CFAP46: variants seen among roughly 807,000 people sequenced by gnomAD.
CFAP46 encodes cilia and flagella associated protein 46.
CFAP46 carries 245 observed loss-of-function variants against 325.7 expected under a neutral mutation model. The observed-to-expected ratio is 0.75, with a 90% CI of 0.68 to 0.84. The LOEUF (loss-of-function observed/expected upper bound fraction) is 0.84. CFAP46 is among the 40% of genes least tolerant of loss of function. The pLI, the probability that CFAP46 is intolerant of heterozygous loss-of-function variation, is 0.00. For missense variants in CFAP46, 3,346 were observed against 3,543.0 expected, an observed-to-expected ratio of 0.94 and a Z score of 1.41; for synonymous variants, 1,523 against 1,495.9, an observed-to-expected ratio of 1.02 and a Z score of -0.42.
At chr10:132,917,298 C>T (rs1849655301) in intron 16 of CFAP46, among the ~76,000 whole-genome samples, 1 of 152,252 alleles carries the variant, frequency 6.6e-6, no homozygotes, top group Non-Finnish European at 1.5e-5. Flanking sequence ...AGAAACCTAA[C>T]CGAGAGTGGC....
At chr10:132,845,671 C>T (rs531790243) in intron 44 of CFAP46, among the ~76,000 whole-genome samples, 61 of 152,360 alleles carry the variant, frequency 4.0e-4, no homozygotes, top group African/African-American at 1.4e-3. Flanking sequence ...CAAGGTTGAA[C>T]CCTTAGACCT....
At chr10:132,910,205 C>T (rs935101822) in intron 19 of CFAP46, 137 bp from the exon 20 acceptor site, 4 of 789,994 alleles carry the variant, frequency 5.1e-6, no homozygotes, top group Non-Finnish European at 3.5e-6. Flanking sequence ...AGACCTCAGG[C>T]CCACCAGCGG....
chr10:132,882,794 C>G (rs1420539869), intron 27 of CFAP46, among the ~76,000 whole-genome samples: 3 of 151,914 alleles, frequency 2.0e-5, no homozygotes, highest in African/African-American at 7.3e-5. Context: ...GTGAAGGATG[C>G]CCATGGATGG....
intron 56 of CFAP46, chr10:132,810,691 A>C: frequency 1.4e-6 from 1 of 731,014 alleles, no homozygotes; most frequent in Non-Finnish European, 2.5e-6. Context: ...TGGCCGCCTC[A>C]ACGGGCTCCT....
intron 17 of CFAP46, among the ~76,000 whole-genome samples, chr10:132,915,530 C>T (rs1258263182): frequency 6.6e-6 from 1 of 152,258 alleles, no homozygotes; most frequent in Non-Finnish European, 1.5e-5. Context: ...TTTCCTTCTG[C>T]CCCAAGGGAC....
chr10:132,862,552 C>T (rs530436175), intron 35 of CFAP46, among the ~76,000 whole-genome samples: 14 of 152,014 alleles, frequency 9.2e-5, no homozygotes, highest in African/African-American at 2.9e-4. Context: ...ATAGTCACAA[C>T]CCCCAAGGCA....
chr10:132,821,554 G>T, intron 50 of CFAP46, among the ~76,000 whole-genome samples: 1 of 139,856 alleles, frequency 7.2e-6, no homozygotes, highest in African/African-American at 2.8e-5. Flanking sequence ...GCTGTGTGCT[G>T]ACGTGTGCTG....
At chr10:132,835,214 G>T (rs115229257) in intron 47 of CFAP46, 90 bp downstream of exon 47, 396 of 1,536,838 alleles carry the variant, frequency 2.6e-4, no homozygotes, top group Middle Eastern at 1.4e-3. Context: ...CTAGCGCCCC[G>T]CCCCTCCCCC....
At position 132,912,722 on chromosome 10, in the gene CFAP46, A is replaced by G. The variant is rs1433897118; in HGVS notation, c.2432T>C (p.Met811Thr). ...TGGGCTGTGAAACGCGTTTGGTCGC[A>G]TGAATTTCCTGGACTTCTCGGCAGC... ...VQAAEKSRKF[M>T]RPNAFHSPLD... Residue 811 changes from methionine (M) to threonine (T), a missense_variant, in exon 19 of 58, where the codon ATG (methionine) becomes ACG (threonine). By Grantham distance (81) the Met-to-Thr change is moderately conservative. Coordinates refer to ENST00000368586, the MANE Select transcript of CFAP46 (RefSeq NM_001200049.3). 5.2e-6 allele frequency: 8 copies of G among 1,550,106 alleles called. No individual in the cohort carries two copies. Among genetic ancestry groups the G allele is most frequent in the South Asian group, 3.6e-5 (3 of 84,064 alleles).
chr10:132,814,267 C>T lies in CFAP46; in HGVS notation c.7286-13G>A. ...GGAGTTAGCATTTCTGCAAGGAGAACAGGGTGGATACAGACCACGGTGTTT... is the reference window on the plus strand; with the variant it reads ...GGAGTTAGCATTTCTGCAAGGAGAATAGGGTGGATACAGACCACGGTGTTT... On this transcript the variant is annotated splice_polypyrimidine_tract_variant and intron_variant, in intron 53 of 57. Coordinates refer to ENST00000368586, the MANE Select transcript of CFAP46 (RefSeq NM_001200049.3). 1 of 1,600,652 alleles carries T rather than the reference C, an allele frequency of 6.2e-7. No individual in the cohort carries two copies. Among genetic ancestry groups the T allele is most frequent in the South Asian group, 1.1e-5 (1 of 90,596 alleles).
chr10:132,912,677 G>A lies in CFAP46; in HGVS notation c.2477C>T (p.Ser826Phe). 1 of 1,548,788 alleles carries A rather than the reference G, an allele frequency of 6.5e-7. No homozygotes were observed. The highest frequency in any genetic ancestry group is 2.4e-5 in the East Asian group (1 of 40,826). ...FHSPLDAGATSEIKTAVEVCE... is the reference protein window; with the variant it reads ...FHSPLDAGATFEIKTAVEVCE... ...TACCTCCACCGCTGTTTTGATCTCG[G>A]AAGTGGCTCCTGCGTCCAGTGGGCT... Residue 826 changes from serine to phenylalanine, a missense_variant, in exon 19 of 58, where the codon TCC (serine) becomes TTC (phenylalanine). Coordinates refer to ENST00000368586, the MANE Select transcript of CFAP46 (RefSeq NM_001200049.3).
chr10:132,912,579 C>CTCTCTTCACCT, intron 19 of CFAP46, 76 bp downstream of exon 19: 12 of 1,312,478 alleles, frequency 9.1e-6, no homozygotes, highest in Admixed American at 2.7e-5. Flanking sequence ...TTTCACCTCT[C>CTCTCTTCACCT]CTCTCCTCTC....
Position 132,889,200 on chromosome 10 carries a change from C to A in CFAP46, c.3304+3133G>T, listed in dbSNP as rs973271908. ...CAGCCCCGTCATGCTATCAGCAGGA[C>A]CCGCCTCTGGTGCCAGCACCTGGAC... On this transcript the variant is annotated intron_variant, in intron 25 of 57. Transcript: ENST00000368586. This position sits in a 1 kb window ranked among gnomAD's most constrained non-coding sequence, Gnocchi z 6.0. 6.6e-6 allele frequency among the ~76,000 whole-genome samples: 1 copy of A among 152,192 alleles called. No individual in the cohort carries two copies. Among genetic ancestry groups the A allele is most frequent in the East Asian group, 1.9e-4 (1 of 5,196 alleles).
At chr10:132,904,928 CA>C (rs1021227443) in intron 22 of CFAP46, among the ~76,000 whole-genome samples, 2 of 152,120 alleles carry the variant, frequency 1.3e-5, no homozygotes, top group African/African-American at 4.8e-5. Flanking sequence ...CTTGTGTGGC[CA>C]GTGACCGCAT....
Position 132,859,213 on chromosome 10 carries a change from A to G in CFAP46, c.5233T>C (p.Ser1745Pro), listed in dbSNP as rs1322358125. ...CACTCTGTGGGTTCAGTGACCGCTGAGTGCTGCGCAACTCTGACCCGCAGG... is the reference window on the plus strand; with the variant it reads ...CACTCTGTGGGTTCAGTGACCGCTGGGTGCTGCGCAACTCTGACCCGCAGG... ...LSLRVRVAQH[S>P]AVTEPTECSL... is the part of the protein sequence containing the mutation. Residue 1745 changes from serine (S) to proline (P), a missense_variant, in exon 38 of 58, where the codon TCA becomes CCA. Coordinates refer to ENST00000368586, the MANE Select transcript of CFAP46 (RefSeq NM_001200049.3). The G allele has an allele frequency of 2.6e-6, 4 of 1,550,052 alleles. No individual in the cohort carries two copies. The East Asian group carries it at 7.3e-5, about 28-fold the overall frequency.
intron 22 of CFAP46, among the ~76,000 whole-genome samples, chr10:132,903,470 C>T (rs541937287): frequency 1.0e-3 from 159 of 152,210 alleles, no homozygotes; most frequent in African/African-American, 3.6e-3. Flanking sequence ...AGCCCTGACC[C>T]GTTTCTCCCC....
In CFAP46 at chr10:132,899,064, C is replaced by T. The variant is rs1409853117; in HGVS notation, c.3114G>A (p.Trp1038Ter). ...ALVMLAARHY[W>*]NAWLPLLSSA... is the part of the protein sequence containing the mutation. ...AGGACAGCAGTGGGAGCCAGGCGTTCCAGTAATGCCGCGCGGCCAGCATCA... is the reference window on the plus strand; with the variant it reads ...AGGACAGCAGTGGGAGCCAGGCGTTTCAGTAATGCCGCGCGGCCAGCATCA... Residue 1038 changes from tryptophan (W) to a stop codon, truncating the protein, a stop_gained, in exon 24 of 58, where the codon TGG (tryptophan) becomes TGA (stop). Transcript: ENST00000368586. LOFTEE classifies it high-confidence loss of function. 1 of 1,550,584 alleles carries T rather than the reference C, an allele frequency of 6.4e-7. No individual in the cohort carries two copies. Among genetic ancestry groups the T allele is most frequent in the South Asian group, 1.2e-5 (1 of 84,062 alleles).
intron 40 of CFAP46, 97 bp downstream of exon 40, chr10:132,851,020 A>G: frequency 6.9e-7 from 1 of 1,448,994 alleles, no homozygotes; most frequent in Non-Finnish European, 9.6e-7. Context: ...CGCCAGGTGC[A>G]CAGTGGTGGA....
chr10:132,912,542 T>TCTCTCTCTCTCTTCAC (rs139520899), intron 19 of CFAP46, 113 bp downstream of exon 19: 12,767 of 301,940 alleles, frequency 0.042, 2,224 homozygotes, highest in African/African-American at 0.38. Context: ...TCTCCTCTCC[T>TCTCTCTCTCTCTTCAC]CTCTCTCTCT....
Sources: gnomAD v4.1 joint callset for allele counts (sites outside exome capture counted in the v4.1 genomes callset) on GRCh38, gnomAD v4.1.1 for gene constraint, Gnocchi (gnomAD v3.1) non-coding constraint, MANE v1.5 for transcripts, NCBI Gene and HGNC (gene_info 2026-07-23, HGNC 2026-07-21) for gene names.